The following CSMD1 variants were observed in gnomAD, a reference collection of about 807,000 sequenced individuals.
The protein encoded by CSMD1 is CUB and sushi domain-containing protein 1.
In CSMD1, 213 loss-of-function variants were observed where a neutral mutation model predicts 417.5. That is an observed-to-expected ratio of 0.51 (90% CI 0.46 to 0.57). The LOEUF (loss-of-function observed/expected upper bound fraction) is 0.57, where lower values mean the gene tolerates loss of function less well. Ranked by LOEUF, CSMD1 falls within the 20% of genes least tolerant of loss-of-function variation. The pLI, the probability that CSMD1 is intolerant of heterozygous loss-of-function variation, is 0.00. For missense variants in CSMD1, 6,923 were observed against 4,529.7 expected (o/e 1.53, Z -15.17); for synonymous variants, 2,862 against 1,736.8 (o/e 1.65, Z -16.11).
At chr8:3,773,721 G>C (rs1372843042) in intron 5 of CSMD1, among the ~76,000 whole-genome samples, 1 of 152,148 alleles carries the variant, frequency 6.6e-6, no homozygotes, top group African/African-American at 2.4e-5. Context: ...TCAAATTGAT[G>C]ATGAGGAGGG....
intron 2 of CSMD1, among the ~76,000 whole-genome samples, chr8:4,468,705 A>G (rs150259361): frequency 1.1e-4 from 16 of 152,334 alleles, no homozygotes; most frequent in East Asian, 9.7e-4. Flanking sequence ...AGTGTTTAGC[A>G]TAATTCAAAA....
chr8:3,989,649 G>A (rs1286403453), intron 5 of CSMD1, among the ~76,000 whole-genome samples: 3 of 152,168 alleles, frequency 2.0e-5, no homozygotes, highest in East Asian at 3.8e-4. Context: ...AAGTCTTTAT[G>A]ATGTATATGT....
At chr8:4,103,034 C>G (rs1270318213) in intron 3 of CSMD1, among the ~76,000 whole-genome samples, 3 of 152,136 alleles carry the variant, frequency 2.0e-5, no homozygotes, top group Non-Finnish European at 4.4e-5. Flanking sequence ...TGTGAGTTGA[C>G]TCAGCGGGTC....
intron 1 of CSMD1, among the ~76,000 whole-genome samples, chr8:4,838,939 T>G (rs568357071): frequency 3.3e-4 from 50 of 152,348 alleles, no homozygotes; most frequent in Non-Finnish European, 6.3e-4. Flanking sequence ...GAAAGACAAA[T>G]TTGACAAATT....
chr8:3,997,788 G>T, intron 5 of CSMD1, 115 bp downstream of exon 5: 2 of 897,372 alleles, frequency 2.2e-6, no homozygotes, highest in South Asian at 1.7e-5. Flanking sequence ...GCGAAAAAAG[G>T]AACACACATG....
intron 7 of CSMD1, among the ~76,000 whole-genome samples, chr8:3,673,239 T>A (rs543655402): frequency 6.6e-6 from 1 of 152,322 alleles, no homozygotes; most frequent in South Asian, 2.1e-4. Context: ...CATTTCCAAA[T>A]TCGTTTCTAT....
At chr8:4,048,428 T>C (rs1275107910) in intron 3 of CSMD1, among the ~76,000 whole-genome samples, 1 of 152,224 alleles carries the variant, frequency 6.6e-6, no homozygotes, top group African/African-American at 2.4e-5. Context: ...TTTATGAACA[T>C]GAACTCTCCT....
intron 37 of CSMD1, among the ~76,000 whole-genome samples, chr8:3,175,360 T>C (rs935116195): frequency 6.6e-6 from 1 of 152,208 alleles, no homozygotes; most frequent in Non-Finnish European, 1.5e-5. Flanking sequence ...ATTCAGAATA[T>C]ATTGTAAATG....
intron 2 of CSMD1, among the ~76,000 whole-genome samples, chr8:4,451,491 A>C (rs1276554234): frequency 6.6e-6 from 1 of 152,204 alleles, no homozygotes; most frequent in South Asian, 2.1e-4. Flanking sequence ...ACCCATAGAG[A>C]AATATTAAAC....
At chr8:3,595,002 G>C (rs1248445346) in intron 8 of CSMD1, among the ~76,000 whole-genome samples, 1 of 152,126 alleles carries the variant, frequency 6.6e-6, no homozygotes, top group Non-Finnish European at 1.5e-5. Context: ...AACACAACCC[G>C]GCCTCTGTGT....
intron 3 of CSMD1, among the ~76,000 whole-genome samples, chr8:4,343,828 C>A (rs1317122251): frequency 6.6e-6 from 1 of 152,132 alleles, no homozygotes; most frequent in African/African-American, 2.4e-5. Context: ...GACACTACCA[C>A]TTCAATTTGT....
intron 3 of CSMD1, among the ~76,000 whole-genome samples, chr8:4,223,739 G>C (rs757004297): frequency 1.3e-5 from 2 of 152,294 alleles, no homozygotes; most frequent in African/African-American, 4.8e-5. Context: ...ATTTGGGTCA[G>C]ATTCTCAGAA....
chr8:4,422,877 G>C (rs1392477787), intron 2 of CSMD1, among the ~76,000 whole-genome samples: 1 of 151,962 alleles, frequency 6.6e-6, no homozygotes, highest in Admixed American at 6.6e-5. Flanking sequence ...TCCAATCTTT[G>C]AAAATTAATC....
intron 3 of CSMD1, among the ~76,000 whole-genome samples, chr8:4,350,816 T>C (rs1195592479): frequency 6.6e-6 from 1 of 152,204 alleles, no homozygotes; most frequent in African/African-American, 2.4e-5. Context: ...TTTAGCAAGA[T>C]GACTTTGCTT....
At chr8:3,110,369 A>C in intron 42 of CSMD1, 34 bp from the exon 43 acceptor site, 1 of 1,547,172 alleles carries the variant, frequency 6.5e-7, no homozygotes. Flanking sequence ...CAAGCGCCAT[A>C]CAGCTGATTT....
At chr8:4,078,169 C>G (rs544295570) in intron 3 of CSMD1, among the ~76,000 whole-genome samples, 1 of 152,156 alleles carries the variant, frequency 6.6e-6, no homozygotes, top group South Asian at 2.1e-4. Flanking sequence ...AATGGCAATT[C>G]AGTTTGCTAT....
intron 8 of CSMD1, among the ~76,000 whole-genome samples, chr8:3,614,029 CA>C (rs775116401): frequency 1.3e-4 from 20 of 151,716 alleles, no homozygotes; most frequent in Non-Finnish European, 2.6e-4. Context: ...GGAAATCTAT[CA>C]AAAAAGCTAC....
chr8:4,203,105 T>A lies in CSMD1; in HGVS notation c.416-171006A>T, dbSNP rs536127074. 2.1e-3 allele frequency among the ~76,000 whole-genome samples: 321 copies of A among 152,348 alleles called. 1 individual carries two copies. Among genetic ancestry groups the A allele is most frequent in the African/African-American group, 7.5e-3 (311 of 41,570 alleles). ...ATGACTTGCAGTTATCTGTGTGGGT[T>A]CCCTGTTGTCATAACATTTCTTAAA... is the stretch of plus-strand genomic sequence containing the variant. On this transcript the variant is annotated intron_variant, in intron 3 of 69. Transcript: ENST00000635120.
chr8:3,899,632 G>A lies in CSMD1; in HGVS notation c.818+98271C>T, dbSNP rs60922547. 0.014 allele frequency among the ~76,000 whole-genome samples: 2,058 copies of A among 152,266 alleles called. 108 individuals carry two copies. In the East Asian group the frequency reaches 0.19, roughly 14 times the overall value. ...ACATAAGTATGTAGTGAGAGGAAAA[G>A]GTTTTGGAGGCTGAGAAACTAGACA... is the stretch of plus-strand genomic sequence containing the variant. On this transcript the variant is annotated intron_variant, in intron 5 of 69. Coordinates refer to ENST00000635120, the MANE Select transcript of CSMD1 (RefSeq NM_033225.6).
Sources: gnomAD v4.1 joint callset for allele counts (sites outside exome capture counted in the v4.1 genomes callset) on GRCh38, gnomAD v4.1.1 for gene constraint, MANE v1.5 for transcripts, NCBI Gene and HGNC (gene_info 2026-07-23, HGNC 2026-07-21) for gene names.